The following COX7B2 variants were observed in gnomAD, a reference collection of about 807,000 sequenced individuals.
The protein encoded by COX7B2 is cytochrome c oxidase subunit 7B2.
For synonymous variants in COX7B2, 37 were observed against 32.1 expected (o/e 1.15, Z -0.51); for missense variants, 109 against 95.9 (o/e 1.14, Z -0.57).
chr4:46,739,281 A>G (rs540091617), intron 2 of COX7B2, among the ~76,000 whole-genome samples: 3 of 152,024 alleles, frequency 2.0e-5, no homozygotes, highest in Non-Finnish European at 4.4e-5. Context: ...CAACCATACC[A>G]TGTTTTCTTA....
chr4:46,857,723 G>A (rs927936561), intron 1 of COX7B2, among the ~76,000 whole-genome samples: 4 of 152,182 alleles, frequency 2.6e-5, no homozygotes, highest in Non-Finnish European at 5.9e-5. Flanking sequence ...AAGAGCTACA[G>A]AAGTAAAAAC....
chr4:46,813,863 T>A (rs539532141), intron 2 of COX7B2, among the ~76,000 whole-genome samples: 7 of 152,250 alleles, frequency 4.6e-5, no homozygotes, highest in African/African-American at 1.7e-4. Flanking sequence ...ACTAATAATC[T>A]GATTTTAAAA....
At chr4:46,832,289 C>G (rs1489622065) in intron 2 of COX7B2, among the ~76,000 whole-genome samples, 1 of 152,116 alleles carries the variant, frequency 6.6e-6, no homozygotes, top group Non-Finnish European at 1.5e-5. Flanking sequence ...GGAAGAAACT[C>G]CGAACACATC....
Position 46,800,803 on chromosome 4 carries a change from A to T in COX7B2, c.-50+44157T>A, listed in dbSNP as rs573907213. On this transcript the variant is annotated intron_variant, in intron 2 of 2. Transcript: ENST00000355591. ...CAGCAAAAGAAACAGAATAAACAGA[A>T]TAAATCAACAGAATAAACAGACAAC... Among the ~76,000 whole-genome samples the T allele has an allele frequency of 5.6e-4, 86 of 152,254 alleles. 1 individual carries two copies. The highest frequency in any genetic ancestry group is 3.4e-3 in the Middle Eastern group (1 of 294).
intron 2 of COX7B2, among the ~76,000 whole-genome samples, chr4:46,768,900 C>G (rs1716706518): frequency 6.6e-6 from 1 of 151,774 alleles, no homozygotes; most frequent in Non-Finnish European, 1.5e-5. Flanking sequence ...CACAAAAATA[C>G]AAAGGATCAT....
At chr4:46,840,159 G>C (rs1715834783) in intron 2 of COX7B2, among the ~76,000 whole-genome samples, 1 of 151,916 alleles carries the variant, frequency 6.6e-6, no homozygotes. Context: ...TGACTCTCTA[G>C]TTCCAGTCAT....
intron 1 of COX7B2, among the ~76,000 whole-genome samples, chr4:46,889,177 T>C (rs2109866427): frequency 6.6e-6 from 1 of 152,326 alleles, no homozygotes; most frequent in Middle Eastern, 3.4e-3. Flanking sequence ...GAAAAATCCA[T>C]TTGATAGAAC....
chr4:46,879,558 C>G (rs1034972989), intron 1 of COX7B2, among the ~76,000 whole-genome samples: 1 of 151,724 alleles, frequency 6.6e-6, no homozygotes, highest in Non-Finnish European at 1.5e-5. Context: ...GCCACCACAC[C>G]GAGACCTCTC....
At chr4:46,863,434 G>A (rs1272829416) in intron 1 of COX7B2, among the ~76,000 whole-genome samples, 1 of 152,168 alleles carries the variant, frequency 6.6e-6, no homozygotes, top group Non-Finnish European at 1.5e-5. Context: ...AAGGAATTTT[G>A]TGTGTAATTA....
At chr4:46,750,226 A>G (rs1189094711) in intron 2 of COX7B2, among the ~76,000 whole-genome samples, 2 of 151,068 alleles carry the variant, frequency 1.3e-5, no homozygotes, top group African/African-American at 2.4e-5. Context: ...ACACACACAC[A>G]CACACACACA....
Position 46,902,438 on chromosome 4 carries a change from C to T in COX7B2, c.-105+6722G>A, listed in dbSNP as rs191078770. ...CTGCAGCATTTTTGTTCTACTAAAC[C>T]ACTGGACTTAATAATTAAGCTTATG... On this transcript the variant is annotated intron_variant, in intron 1 of 2. Coordinates refer to ENST00000355591, the MANE Select transcript of COX7B2 (RefSeq NM_130902.3). Among the ~76,000 whole-genome samples the T allele has an allele frequency of 6.9e-4, 105 of 152,210 alleles. 2 individuals are homozygous for T. Among genetic ancestry groups the T allele is most frequent in the Middle Eastern group, 3.4e-3 (1 of 294 alleles).
At chr4:46,894,484 T>C (rs1387493982) in intron 1 of COX7B2, among the ~76,000 whole-genome samples, 1 of 152,106 alleles carries the variant, frequency 6.6e-6, no homozygotes, top group Non-Finnish European at 1.5e-5. Flanking sequence ...TATACAAAAA[T>C]CAACTCAAGA....
Position 46,838,921 on chromosome 4 carries a change from T to A in COX7B2, c.-50+6039A>T, listed in dbSNP as rs192417061. On this transcript the variant is annotated intron_variant, in intron 2 of 2. Transcript: ENST00000355591. ...AATTTCAAAATCTGCACCAAATACA[T>A]CTCAAGATCATGCCATGAAATCAAA... is the stretch of plus-strand genomic sequence containing the variant. 9.3e-4 allele frequency among the ~76,000 whole-genome samples: 142 copies of A among 152,016 alleles called. 2 individuals are homozygous for A. The highest frequency in any genetic ancestry group is 3.2e-3 in the African/African-American group (131 of 41,504).
At chr4:46,840,710 T>A (rs1715874362) in intron 2 of COX7B2, among the ~76,000 whole-genome samples, 1 of 152,028 alleles carries the variant, frequency 6.6e-6, no homozygotes, top group African/African-American at 2.4e-5. Context: ...TCAATGTACC[T>A]CGTACTGTGA....
intron 1 of COX7B2, among the ~76,000 whole-genome samples, chr4:46,869,953 T>C (rs2109820866): frequency 1.3e-5 from 2 of 152,276 alleles, no homozygotes; most frequent in African/African-American, 4.8e-5. Flanking sequence ...TCATGAACCA[T>C]ATACTGAAAT....
chr4:46,769,391 C>CAATG (rs1490329192), intron 2 of COX7B2, among the ~76,000 whole-genome samples: 2 of 152,072 alleles, frequency 1.3e-5, no homozygotes, highest in African/African-American at 4.8e-5. Flanking sequence ...TGAAATGCAA[C>CAATG]AATGGTTCAA....
chr4:46,805,128 G>A (rs1181851191), intron 2 of COX7B2, among the ~76,000 whole-genome samples: 1 of 152,214 alleles, frequency 6.6e-6, no homozygotes, highest in African/African-American at 2.4e-5. Context: ...AACTCGCGCT[G>A]GCCTCCAAGC....
chr4:46,778,985 A>G (rs889019288), intron 2 of COX7B2, among the ~76,000 whole-genome samples: 22 of 152,294 alleles, frequency 1.4e-4, no homozygotes, highest in Middle Eastern at 3.4e-3. Flanking sequence ...TATTCTTGCA[A>G]TTTAGATACT....
chr4:46,837,802 T>G (rs1370353520), intron 2 of COX7B2, among the ~76,000 whole-genome samples: 1 of 152,102 alleles, frequency 6.6e-6, no homozygotes, highest in African/African-American at 2.4e-5. Flanking sequence ...TACTGCCTTA[T>G]GCTGTTTGTT....
Sources: allele counts gnomAD v4.1 joint callset (sites outside exome capture counted in the v4.1 genomes callset), GRCh38; gene constraint gnomAD v4.1.1; transcripts MANE v1.5; gene names NCBI Gene and HGNC (gene_info 2026-07-23, HGNC 2026-07-21).